Variants in FAF1 observed in about 807,000 individuals in gnomAD.
FAF1 encodes the protein Fas associated factor 1, also known as FAS-associated factor 1.
A neutral mutation model predicts 92.5 loss-of-function variants in FAF1; 25 were observed. The observed-to-expected ratio is 0.27, with a 90% CI of 0.20 to 0.38. FAF1 has a LOEUF of 0.38. FAF1 is among the 10% of genes least tolerant of loss of function. The pLI is 1.00. For missense variants in FAF1, 636 were observed against 793.3 expected, an observed-to-expected ratio of 0.80 and a Z score of 2.38; for synonymous variants, 234 against 273.2, an observed-to-expected ratio of 0.86 and a Z score of 1.42.
At chr1:50,629,063 G>A (rs1653635898) in intron 8 of FAF1, among the ~76,000 whole-genome samples, 1 of 151,026 alleles carries the variant, frequency 6.6e-6, no homozygotes, top group African/African-American at 2.4e-5. Context: ...CTAATGCCTT[G>A]TATATAATAA....
At chr1:50,908,754 G>C (rs917909127) in intron 1 of FAF1, among the ~76,000 whole-genome samples, 1 of 150,956 alleles carries the variant, frequency 6.6e-6, no homozygotes, top group African/African-American at 2.4e-5. Context: ...CCTTTATTTT[G>C]AGCCTATGTG....
At chr1:50,787,299 C>A (rs1365306443) in intron 4 of FAF1, among the ~76,000 whole-genome samples, 2 of 152,056 alleles carry the variant, frequency 1.3e-5, no homozygotes, top group African/African-American at 4.8e-5. Flanking sequence ...GTATCCCCAC[C>A]CAAATTCAGG....
chr1:50,588,555 G>A (rs1029653467), intron 9 of FAF1, among the ~76,000 whole-genome samples: 1 of 152,168 alleles, frequency 6.6e-6, no homozygotes, highest in East Asian at 1.9e-4. Context: ...GGCACTCTGG[G>A]GCATGCTGTG....
chr1:50,599,558 C>T (rs1029027412), intron 8 of FAF1, among the ~76,000 whole-genome samples: 4 of 152,108 alleles, frequency 2.6e-5, no homozygotes, highest in East Asian at 1.9e-4. Context: ...TTAATAATGT[C>T]CCTGTTAAAT....
intron 4 of FAF1, among the ~76,000 whole-genome samples, chr1:50,772,693 C>G (rs538739944): frequency 6.6e-6 from 1 of 152,190 alleles, no homozygotes; most frequent in East Asian, 1.9e-4. Context: ...ACACTGGGGA[C>G]TACTTGAGAG....
intron 15 of FAF1, among the ~76,000 whole-genome samples, chr1:50,510,099 G>A (rs534775230): frequency 1.0e-3 from 153 of 151,542 alleles, no homozygotes; most frequent in African/African-American, 3.5e-3. Context: ...CTGGGAGGCG[G>A]GGGTTGCAGT....
At chr1:50,446,202 C>T (rs889148843) in intron 18 of FAF1, among the ~76,000 whole-genome samples, 19 of 152,146 alleles carry the variant, frequency 1.2e-4, no homozygotes, top group African/African-American at 4.1e-4. Context: ...TGAGGTCACA[C>T]GGTTGAATAG....
At position 50,440,068 on chromosome 1, in the gene FAF1, C is replaced by T. The variant is rs562370022; in HGVS notation, c.*1372G>A. 12 of 152,224 alleles carry T rather than the reference C, an allele frequency of 7.9e-5. No homozygotes were observed. In the South Asian group the frequency reaches 2.5e-3, roughly 32 times the overall value. 9.4% of individuals were successfully genotyped at this position (152,224 alleles called of 1,614,324 possible). A position where few individuals can be genotyped will look rare whatever the true frequency, so the allele number is the denominator to read the frequency against. ...TAGAATCTTCTGAGAACCCCTTGGC[C>T]GAGGCTGGGGGAACAAACCCAGCAT... On this transcript the variant is annotated 3_prime_UTR_variant, in exon 19 of 19. Coordinates refer to ENST00000396153, the MANE Select transcript of FAF1 (RefSeq NM_007051.3).
At chr1:50,689,079 A>G (rs939657977) in intron 7 of FAF1, among the ~76,000 whole-genome samples, 1 of 151,766 alleles carries the variant, frequency 6.6e-6, no homozygotes, top group Non-Finnish European at 1.5e-5. Context: ...TGTAAAGACA[A>G]AAAAGGTTTT....
chr1:50,617,852 T>C lies in FAF1; in HGVS notation c.745-21636A>G, dbSNP rs558407402. On this transcript the variant is annotated intron_variant, in intron 8 of 18. Transcript: ENST00000396153. ...ATTTCAAAGCTTGATACTCGTCTATTCAGGGATTCAATTTCTTCCTGATTC... is the reference window on the plus strand; with the variant it reads ...ATTTCAAAGCTTGATACTCGTCTATCCAGGGATTCAATTTCTTCCTGATTC... Among the ~76,000 whole-genome samples, 5 of 152,208 alleles carry C rather than the reference T, an allele frequency of 3.3e-5. 1 individual carries two copies. Among genetic ancestry groups the C allele is most frequent in the African/African-American group, 1.2e-4 (5 of 41,550 alleles).
chr1:50,889,178 G>C (rs1644697150), intron 1 of FAF1, among the ~76,000 whole-genome samples: 1 of 152,180 alleles, frequency 6.6e-6, no homozygotes, highest in Non-Finnish European at 1.5e-5. Context: ...TTCTCTGATG[G>C]TAGTTTGTAT....
rs1314876159 is a variant in FAF1 at position 50,437,814 on chromosome 1, G to A, written c.*3626C>T. ...GAGGTGGGCCGATTACCTGAGGTCAGGAGTTCTAGACCAGCCTGGCCAACA... is the reference window on the plus strand; with the variant it reads ...GAGGTGGGCCGATTACCTGAGGTCAAGAGTTCTAGACCAGCCTGGCCAACA... On this transcript the variant is annotated 3_prime_UTR_variant, in exon 19 of 19. Transcript: ENST00000396153. The A allele has an allele frequency of 6.6e-6, 1 of 151,980 alleles. No individual in the cohort carries two copies. Among genetic ancestry groups the A allele is most frequent in the Non-Finnish European group, 1.5e-5 (1 of 68,006 alleles). 9.4% of individuals were successfully genotyped at this position (151,980 alleles called of 1,614,324 possible). A position where few individuals can be genotyped will look rare whatever the true frequency, so the allele number is the denominator to read the frequency against.
chr1:50,693,721 C>G (rs1310815563), intron 7 of FAF1, among the ~76,000 whole-genome samples: 1 of 151,686 alleles, frequency 6.6e-6, no homozygotes, highest in East Asian at 1.9e-4. Flanking sequence ...TAAGTAATAC[C>G]TTAAGGATTA....
chr1:50,635,466 C>T (rs1391551324), intron 8 of FAF1, among the ~76,000 whole-genome samples: 2 of 152,186 alleles, frequency 1.3e-5, no homozygotes, highest in Non-Finnish European at 2.9e-5. Flanking sequence ...CACTCTGTCA[C>T]CCAGGCTGGA....
At chr1:50,711,177 C>T (rs536902943) in intron 6 of FAF1, among the ~76,000 whole-genome samples, 31 of 150,494 alleles carry the variant, frequency 2.1e-4, no homozygotes, top group Admixed American at 4.0e-4. Context: ...CAAAGTGCTG[C>T]GATTACAGGC....
At chr1:50,739,990 T>C (rs150378657) in intron 5 of FAF1, among the ~76,000 whole-genome samples, 45 of 150,468 alleles carry the variant, frequency 3.0e-4, no homozygotes, top group African/African-American at 1.1e-3. Context: ...AAGAAATACA[T>C]TGTATACCTT....
At chr1:50,934,787 G>A (rs892902032) in intron 1 of FAF1, among the ~76,000 whole-genome samples, 3 of 152,106 alleles carry the variant, frequency 2.0e-5, no homozygotes, top group Admixed American at 6.5e-5. Flanking sequence ...GGATAATTTT[G>A]CTGAATATAA....
chr1:50,548,358 T>C (rs1469928593), intron 13 of FAF1, among the ~76,000 whole-genome samples: 2 of 152,192 alleles, frequency 1.3e-5, no homozygotes, highest in East Asian at 3.8e-4. Flanking sequence ...GAACTTGATG[T>C]TGTAAGGTGC....
intron 18 of FAF1, among the ~76,000 whole-genome samples, chr1:50,474,971 G>A (rs1646620104): frequency 6.6e-6 from 1 of 152,170 alleles, no homozygotes; most frequent in African/African-American, 2.4e-5. Context: ...ATATTGTGCT[G>A]TAATGCAAGC....
Sources: allele counts gnomAD v4.1 joint callset (sites outside exome capture counted in the v4.1 genomes callset), GRCh38; gene constraint gnomAD v4.1.1; transcripts MANE v1.5; gene names NCBI Gene and HGNC (gene_info 2026-07-23, HGNC 2026-07-21).